STK33: variants seen among roughly 807,000 people sequenced by gnomAD.
The protein encoded by STK33 is serine/threonine-protein kinase 33.
In STK33, 52 loss-of-function variants were observed where a neutral mutation model predicts 58.0. The observed-to-expected ratio is 0.90, with a 90% CI of 0.72 to 1.13. The LOEUF (loss-of-function observed/expected upper bound fraction) is 1.13, where lower values mean the gene tolerates loss of function less well. Ranked by LOEUF, STK33 falls within the 50% of genes most tolerant of loss-of-function variation. The pLI is 0.00. For missense variants in STK33, 630 were observed against 604.2 expected (o/e 1.04, Z -0.45); for synonymous variants, 215 against 200.1 (o/e 1.07, Z -0.63).
At chr11:8,403,206 T>C (rs1036690382) in intron 15 of STK33, among the ~76,000 whole-genome samples, 1 of 152,218 alleles carries the variant, frequency 6.6e-6, no homozygotes, top group African/African-American at 2.4e-5. Context: ...TACTAGTCTA[T>C]GTACCATTGC....
the STK33 span, among the ~76,000 whole-genome samples, chr11:8,356,458 C>T: frequency 6.6e-6 from 1 of 151,916 alleles, no homozygotes; most frequent in African/African-American, 2.4e-5. Context: ...CACTGTCATC[C>T]TTTCCTGCGG....
Position 8,568,489 on chromosome 11 carries a change from A to G in STK33, c.-466+25594T>C, listed in dbSNP as rs1229557993. Among the ~76,000 whole-genome samples the G allele has an allele frequency of 2.6e-5, 4 of 152,340 alleles. No homozygotes were observed. In the Middle Eastern group the frequency reaches 0.01, roughly 389 times the overall value. On this transcript the variant is annotated intron_variant, in intron 1 of 15. Coordinates refer to ENST00000687296, the MANE Select transcript of STK33 (RefSeq NM_001352389.2). ...AGACAACTTCTAGAAAGCATCAGAC[A>G]TATTGTAACATAATTCGCTCTGCTA...
rs1951196178 is a variant in STK33, at chr11:8,498,045, G to C, written c.-465-17431C>G. On this transcript the variant is annotated intron_variant, in intron 1 of 15. Coordinates refer to ENST00000687296, the MANE Select transcript of STK33 (RefSeq NM_001352389.2). ...AGTGGAACTGATCTCAGAAATACAA[G>C]GTAGGTTCAACAAATAAAAATCAAT... Among the ~76,000 whole-genome samples the C allele has an allele frequency of 3.3e-5, 5 of 151,964 alleles. No individual in the cohort carries two copies. The South Asian group carries it at 1.0e-3, about 32-fold the overall frequency.
intron 7 of STK33, among the ~76,000 whole-genome samples, chr11:8,462,410 TAC>T (rs758726014): frequency 6.9e-6 from 1 of 144,400 alleles, no homozygotes; most frequent in African/African-American, 2.6e-5. Context: ...TACATATATA[TAC>T]ACACACATAT....
At chr11:8,432,746 G>A (rs1170081789) in intron 14 of STK33, among the ~76,000 whole-genome samples, 1 of 152,190 alleles carries the variant, frequency 6.6e-6, no homozygotes, top group Non-Finnish European at 1.5e-5. Context: ...CAGGGGATAT[G>A]AATCATAGAA....
chr11:8,546,036 T>G (rs992282781), intron 1 of STK33, among the ~76,000 whole-genome samples: 1 of 152,220 alleles, frequency 6.6e-6, no homozygotes, highest in South Asian at 2.1e-4. Flanking sequence ...ACGATGGTAT[T>G]TGTGTATCTA....
At chr11:8,519,464 T>G (rs957181406) in intron 1 of STK33, among the ~76,000 whole-genome samples, 5 of 152,090 alleles carry the variant, frequency 3.3e-5, no homozygotes, top group Admixed American at 1.3e-4. Flanking sequence ...ATTCAAAAGC[T>G]AGCAGAAGGC....
chr11:8,589,062 C>T (rs1168296022), intron 1 of STK33, among the ~76,000 whole-genome samples: 1 of 152,056 alleles, frequency 6.6e-6, no homozygotes, highest in African/African-American at 2.4e-5. Context: ...CATACATTGC[C>T]GTTGGGAATG....
chr11:8,459,078 A>AT (rs1947216127), intron 8 of STK33, among the ~76,000 whole-genome samples: 1 of 152,244 alleles, frequency 6.6e-6, no homozygotes, highest in South Asian at 2.1e-4. Context: ...TAAGTGAACT[A>AT]TTTGGAAGGA....
chr11:8,485,735 G>A (rs1276941538), intron 1 of STK33, among the ~76,000 whole-genome samples: 1 of 152,116 alleles, frequency 6.6e-6, no homozygotes, highest in African/African-American at 2.4e-5. Context: ...TTTGCCAAAT[G>A]AACAGTAAAC....
rs544526711 is a variant in STK33 at position 8,471,450 on chromosome 11, G to A, written c.339+1713C>T. Among the ~76,000 whole-genome samples, 252 of 152,258 alleles carry A rather than the reference G, an allele frequency of 1.7e-3. 2 individuals carry two copies. Among genetic ancestry groups the A allele is most frequent in the African/African-American group, 5.9e-3 (246 of 41,556 alleles). On this transcript the variant is annotated intron_variant, in intron 6 of 15. Transcript: ENST00000687296. ...ACACAGAAGAAGTCCATGACATAGT[G>A]TACAGTGTGAAAAGCATATAAGATA...
At chr11:8,545,870 G>T (rs1380843443) in intron 1 of STK33, among the ~76,000 whole-genome samples, 1 of 152,132 alleles carries the variant, frequency 6.6e-6, no homozygotes, top group Non-Finnish European at 1.5e-5. Context: ...TGTGTCATTG[G>T]GTAATTTATC....
chr11:8,378,629 A>T, the STK33 span, among the ~76,000 whole-genome samples: 2 of 152,186 alleles, frequency 1.3e-5, no homozygotes, highest in African/African-American at 4.8e-5. Context: ...ATTACCTCCC[A>T]CTGGGTCCCT....
chr11:8,404,262 A>G (rs1310246866), intron 15 of STK33, among the ~76,000 whole-genome samples: 2 of 152,252 alleles, frequency 1.3e-5, no homozygotes, highest in African/African-American at 4.8e-5. Flanking sequence ...AGAGAAAAAT[A>G]TAAATATCTT....
chr11:8,336,664 T>C, the STK33 span, among the ~76,000 whole-genome samples: 3 of 152,208 alleles, frequency 2.0e-5, no homozygotes, highest in African/African-American at 4.8e-5. Context: ...GCCCTTCCCC[T>C]TTTTCTGCAG....
chr11:8,390,837 G>A (rs1266229400), downstream of STK33, among the ~76,000 whole-genome samples: 1 of 152,186 alleles, frequency 6.6e-6, no homozygotes, highest in African/African-American at 2.4e-5. Context: ...TTAGGGCCAA[G>A]AGAAGTGTGG....
chr11:8,531,849 C>T (rs750144599), intron 1 of STK33, among the ~76,000 whole-genome samples: 4 of 152,102 alleles, frequency 2.6e-5, no homozygotes, highest in Non-Finnish European at 5.9e-5. Context: ...TTTAAAACCG[C>T]CACAGCAACA....
chr11:8,546,816 T>A (rs1955956370), intron 1 of STK33, among the ~76,000 whole-genome samples: 1 of 152,062 alleles, frequency 6.6e-6, no homozygotes, highest in South Asian at 2.1e-4. Flanking sequence ...TACCACATTT[T>A]CTTTATCCAT....
chr11:8,422,636 G>C (rs1438611158), intron 14 of STK33, among the ~76,000 whole-genome samples: 1 of 152,012 alleles, frequency 6.6e-6, no homozygotes, highest in Non-Finnish European at 1.5e-5. Context: ...GACAGTTCAA[G>C]TTTTCTATTT....
Sources: gnomAD v4.1 joint callset for allele counts (sites outside exome capture counted in the v4.1 genomes callset) on GRCh38, gnomAD v4.1.1 for gene constraint, MANE v1.5 for transcripts, NCBI Gene and HGNC (gene_info 2026-07-23, HGNC 2026-07-21) for gene names.